Variants in GPR149 observed in about 807,000 individuals in gnomAD.
The protein encoded by GPR149 is probable G protein-coupled receptor 149.
In GPR149, 50 loss-of-function variants were observed where a neutral mutation model predicts 50.2. The ratio of observed to expected loss-of-function variants is 1.00; its 90% confidence interval spans 0.79 to 1.26. The LOEUF is 1.26. Among genes scored for constraint, GPR149 ranks in the 50% most tolerant of loss-of-function variants. The pLI, the probability that GPR149 is intolerant of heterozygous loss-of-function variation, is 0.00. For synonymous variants in GPR149, 405 were observed against 358.2 expected (o/e 1.13, Z -1.48); for missense variants, 983 against 895.4 (o/e 1.10, Z -1.25).
At chr3:154,426,597 C>T (rs1712309268) in intron 2 of GPR149, among the ~76,000 whole-genome samples, 1 of 152,132 alleles carries the variant, frequency 6.6e-6, no homozygotes, top group Admixed American at 6.6e-5. Flanking sequence ...TAGAATAATA[C>T]AATAATCTCC....
intron 3 of GPR149, among the ~76,000 whole-genome samples, chr3:154,391,345 TGTATGCAACTGA>T (rs890820435): frequency 1.3e-5 from 2 of 151,906 alleles, no homozygotes; most frequent in African/African-American, 4.8e-5. Flanking sequence ...GTGTAGCTTT[TGTATGCAACTGA>T]AGTTAAGTTG....
At chr3:154,412,369 AG>A (rs1285597324) in intron 3 of GPR149, among the ~76,000 whole-genome samples, 2 of 151,938 alleles carry the variant, frequency 1.3e-5, no homozygotes, top group African/African-American at 4.8e-5. Flanking sequence ...AAAGGAAAAA[AG>A]GGCAAATTGG....
intron 3 of GPR149, among the ~76,000 whole-genome samples, chr3:154,358,757 C>T (rs1356897948): frequency 6.6e-6 from 1 of 151,958 alleles, no homozygotes; most frequent in Admixed American, 6.6e-5. Flanking sequence ...TAATTTATAC[C>T]CTCTTTCAAT....
chr3:154,351,828 C>CA (rs1488111247), intron 3 of GPR149, among the ~76,000 whole-genome samples: 1 of 152,094 alleles, frequency 6.6e-6, no homozygotes, highest in Non-Finnish European at 1.5e-5. Flanking sequence ...AGAAACCCCT[C>CA]AAAATCCAAT....
rs945037560 is a variant in GPR149, at chr3:154,339,216, T to C, written c.1624-945A>G. 4.8e-4 allele frequency among the ~76,000 whole-genome samples: 73 copies of C among 152,158 alleles called. 1 individual carries two copies. Among genetic ancestry groups the C allele is most frequent in the Non-Finnish European group, 5.3e-4 (36 of 68,034 alleles). The stretch of plus-strand genomic sequence containing the variant: ...TTGTCAGAAATACAGGTTTTTAGCA[T>C]TATCCCAGACCTACTCAATTAGGTC... On this transcript the variant is annotated intron_variant, in intron 3 of 3. Transcript: ENST00000389740.
At chr3:154,375,891 G>A (rs1331601429) in intron 3 of GPR149, among the ~76,000 whole-genome samples, 1 of 152,182 alleles carries the variant, frequency 6.6e-6, no homozygotes, top group African/African-American at 2.4e-5. Flanking sequence ...CCCTGTTTTA[G>A]CTGGAACATC....
At chr3:154,354,008 T>A in intron 3 of GPR149, 1 of 461,974 alleles carries the variant, frequency 2.2e-6, no homozygotes, top group South Asian at 2.0e-5. Flanking sequence ...TGATACTTGC[T>A]TTGATTTTTT....
At chr3:154,371,138 T>G (rs1025907647) in intron 3 of GPR149, among the ~76,000 whole-genome samples, 1 of 152,156 alleles carries the variant, frequency 6.6e-6, no homozygotes, top group African/African-American at 2.4e-5. Flanking sequence ...GATTACAGGA[T>G]ATTGTTAGAC....
intron 3 of GPR149, among the ~76,000 whole-genome samples, chr3:154,350,020 C>T (rs1714031075): frequency 6.6e-6 from 1 of 151,926 alleles, no homozygotes; most frequent in Admixed American, 6.6e-5. Context: ...GTAGCCTCCA[C>T]CTCTATCTGT....
In GPR149 at chr3:154,405,741, T is replaced by A. The variant is rs767457294; in HGVS notation, c.1623+15298A>T. On this transcript the variant is annotated intron_variant, in intron 3 of 3. Transcript: ENST00000389740. ...AATAAGCAACCATTTGGAAAAAATATACAATTATACCCTATCTTACATCTA... is the reference window on the plus strand; with the variant it reads ...AATAAGCAACCATTTGGAAAAAATAAACAATTATACCCTATCTTACATCTA... Among the ~76,000 whole-genome samples the A allele has an allele frequency of 2.0e-5, 3 of 151,828 alleles. No homozygotes were observed. The East Asian group carries it at 5.8e-4, about 29-fold the overall frequency.
At chr3:154,398,625 G>A (rs553752841) in intron 3 of GPR149, among the ~76,000 whole-genome samples, 1 of 152,140 alleles carries the variant, frequency 6.6e-6, no homozygotes, top group South Asian at 2.1e-4. Context: ...TAATATCATG[G>A]GGAAATGAGG....
Position 154,421,257 on chromosome 3 carries a change from C to A in GPR149, c.1405G>T (p.Gly469Cys). ...TCAGTATTTGTGCATTTGTTGATGCCTCTTTGTGTGGAGCTGTCCAGAGAG... is the reference window on the plus strand; with the variant it reads ...TCAGTATTTGTGCATTTGTTGATGCATCTTTGTGTGGAGCTGTCCAGAGAG... ...TPSLDSSTQR[G>C]INKCTNTDIT... Residue 469 changes from glycine (G) to cysteine (C), a missense_variant, in exon 3 of 4, where the codon GGC (glycine) becomes TGC (cysteine). Gly to Cys is a radical substitution (Grantham distance 159). Transcript: ENST00000389740. 6.2e-7 allele frequency: 1 copy of A among 1,613,300 alleles called. No individual in the cohort carries two copies. The highest frequency in any genetic ancestry group is 8.5e-7 in the Non-Finnish European group (1 of 1,179,532).
rs760779265 is a variant in GPR149 at position 154,421,235 on chromosome 3, G to C, written c.1427C>G (p.Thr476Ser). ...ATCCTGTTTAGCTTCTGTAATATCA[G>C]TATTTGTGCATTTGTTGATGCCTCT... ...TQRGINKCTNTDITEAKQDSN... is the reference protein window; with the variant it reads ...TQRGINKCTNSDITEAKQDSN... The change falls in exon 3 of 4, where the codon ACT becomes AGT. Residue 476 changes from threonine (T) to serine (S), a missense_variant. By Grantham distance (58) the Thr-to-Ser change is moderately conservative. Transcript: ENST00000389740. 2 of 1,613,510 alleles carry C rather than the reference G, an allele frequency of 1.2e-6. 1 individual carries two copies. Among genetic ancestry groups the C allele is most frequent in the South Asian group, 2.2e-5 (2 of 91,066 alleles).
In GPR149 at chr3:154,402,729, C is replaced by CT. The variant is rs376009760; in HGVS notation, c.1623+18309dup. Among the ~76,000 whole-genome samples the CT allele has an allele frequency of 2.5e-3, 287 of 115,398 alleles. 1 individual carries two copies. The highest frequency in any genetic ancestry group is 8.3e-3 in the African/African-American group (275 of 32,936). 75.7% of individuals were successfully genotyped at this position (115,398 alleles called of 152,430 possible). On this transcript the variant is annotated intron_variant, in intron 3 of 3. Transcript: ENST00000389740. ...CTTCTGTGGTCTGTAAGTGCGTTGT[C>CT]TATATCCTGTACACTTTTTTTCTCA...
At chr3:154,354,014 T>G in intron 3 of GPR149, 1 of 450,886 alleles carries the variant, frequency 2.2e-6, no homozygotes, top group Non-Finnish European at 4.1e-6. Flanking sequence ...TTGCTTTGAT[T>G]TTTTTTTTCA....
chr3:154,372,636 G>C (rs11710348), intron 3 of GPR149, among the ~76,000 whole-genome samples: 29,694 of 152,104 alleles, frequency 0.2, 4,234 homozygotes, highest in East Asian at 0.46. Context: ...CCAGAGCAAG[G>C]GGTTCAAACC....
At chr3:154,401,941 G>A (rs1711560926) in intron 3 of GPR149, among the ~76,000 whole-genome samples, 1 of 151,278 alleles carries the variant, frequency 6.6e-6, no homozygotes, top group Non-Finnish European at 1.5e-5. Flanking sequence ...TCAAAATAAG[G>A]AATAGGCCCA....
intron 2 of GPR149, among the ~76,000 whole-genome samples, chr3:154,425,905 G>A (rs1441944918): frequency 1.3e-5 from 2 of 151,996 alleles, no homozygotes; most frequent in Non-Finnish European, 2.9e-5. Context: ...GAGATGGGTG[G>A]TCCCCACTTC....
chr3:154,427,766 C>G, intron 1 of GPR149, 58 bp from the exon 2 acceptor site: 2 of 1,483,138 alleles, frequency 1.3e-6, no homozygotes, highest in South Asian at 1.3e-5. Flanking sequence ...ACTTCTCAAG[C>G]CTTTTCTCCA....
Sources: gnomAD v4.1 joint callset for allele counts (sites outside exome capture counted in the v4.1 genomes callset) on GRCh38, gnomAD v4.1.1 for gene constraint, MANE v1.5 for transcripts, NCBI Gene and HGNC (gene_info 2026-07-23, HGNC 2026-07-21) for gene names.